RPRML: variants seen among roughly 807,000 people sequenced by gnomAD.
The protein encoded by RPRML is reprimo-like protein.
Under a neutral mutation model 5.2 loss-of-function variants are expected in RPRML, and 4 were observed. That is an observed-to-expected ratio of 0.77 (90% CI 0.38 to 1.76). The LOEUF is 1.76. Among genes scored for constraint, RPRML ranks in the 40% most tolerant of loss-of-function variants. The pLI is 0.04. For missense variants in RPRML, 181 were observed against 177.7 expected, an observed-to-expected ratio of 1.02 and a Z score of -0.11; for synonymous variants, 79 against 89.1, an observed-to-expected ratio of 0.89 and a Z score of 0.64.
rs1345605737 is a variant in RPRML at position 46,978,683 on chromosome 17, A to G, written c.325T>C (p.Ser109Pro). 1 of 1,610,640 alleles carries G rather than the reference A, an allele frequency of 6.2e-7. No individual in the cohort carries two copies. Among genetic ancestry groups the G allele is most frequent in the Admixed American group, 1.7e-5 (1 of 59,774 alleles). ...INFLVQERRP[S>P]KDVGAAILGL... ...AGGATGGCTGCGCCCACGTCCTTGGAGGGCCGGCGCTCCTGCACCAGAAAG... is the reference window on the plus strand; with the variant it reads ...AGGATGGCTGCGCCCACGTCCTTGGGGGGCCGGCGCTCCTGCACCAGAAAG... The change falls in exon 1 of 1, where the codon TCC (serine) becomes CCC (proline). Residue 109 changes from serine to proline, a missense_variant. Physicochemically the swap from Ser to Pro is moderately conservative, Grantham distance 74. Transcript: ENST00000322329.
chr17:46,978,273 G>C lies in RPRML; in HGVS notation c.*372C>G. On this transcript the variant is annotated 3_prime_UTR_variant, in exon 1 of 1. Coordinates refer to ENST00000322329, the MANE Select transcript of RPRML (RefSeq NM_203400.5). ...CTTCACATCTTCACCCACTCGCACC[G>C]TGTTCCGAACCCACCCGCACCAACG... 1 of 274,004 alleles carries C rather than the reference G, an allele frequency of 3.6e-6. No individual in the cohort carries two copies. Among genetic ancestry groups the C allele is most frequent in the South Asian group, 7.4e-5 (1 of 13,510 alleles). The allele number at this position is 274,004 out of a possible 1,614,324, so 17.0% of individuals were successfully genotyped here. A position where few individuals can be genotyped will look rare whatever the true frequency, so the allele number is the denominator to read the frequency against.
rs568365079 is a variant in RPRML at position 46,978,300 on chromosome 17, A to T, written c.*345T>A. On this transcript the variant is annotated 3_prime_UTR_variant, in exon 1 of 1. Coordinates refer to ENST00000322329, the MANE Select transcript of RPRML (RefSeq NM_203400.5). ...GTTCCGAACCCACCCGCACCAACGT[A>T]CACACAAAACTCCCACGCGAGCGAC... The T allele has an allele frequency of 3.0e-6, 1 of 328,812 alleles. No individual in the cohort carries two copies. The highest frequency in any genetic ancestry group is 5.5e-6 in the Non-Finnish European group (1 of 181,440). The allele number at this position is 328,812 out of a possible 1,614,324, so 20.4% of individuals were successfully genotyped here.
Position 46,978,658 on chromosome 17 carries a change from AGGATG to A in RPRML, c.345_349del (p.Ile116GlyfsTer81). 1 of 1,606,734 alleles carries A rather than the reference AGGATG, an allele frequency of 6.2e-7. No individual in the cohort carries two copies. The highest frequency in any genetic ancestry group is 8.5e-7 in the Non-Finnish European group (1 of 1,177,352). On this transcript the variant is annotated frameshift_variant, in exon 1 of 1. Coordinates refer to ENST00000322329, the MANE Select transcript of RPRML (RefSeq NM_203400.5). LOFTEE classifies it high-confidence loss of function. ...CCCAGATGGCGCTCAGTACAGCCCC[AGGATG>A]GCTGCGCCCACGTCCTTGGAGGGCC...
Position 46,978,486 on chromosome 17 carries a change from C to T in RPRML, c.*159G>A, listed in dbSNP as rs1015422426. The T allele has an allele frequency of 1.3e-5, 11 of 816,144 alleles. No homozygotes were observed. Among genetic ancestry groups the T allele is most frequent in the African/African-American group, 1.1e-4 (6 of 54,478 alleles). The allele number at this position is 816,144 out of a possible 1,614,324, so 50.6% of individuals were successfully genotyped here. ...AGAGCCGGGCGTCCAAGTCCCTTCC[C>T]GCGCCCCCGCCGACAGTCTCGCCGC... On this transcript the variant is annotated 3_prime_UTR_variant, in exon 1 of 1. Transcript: ENST00000322329.
At position 46,978,591 on chromosome 17, in the gene RPRML, G is replaced by T; in HGVS notation, c.*54C>A. The T allele has an allele frequency of 6.5e-7, 1 of 1,531,450 alleles. No individual in the cohort carries two copies. The highest frequency in any genetic ancestry group is 8.8e-7 in the Non-Finnish European group (1 of 1,140,556). 94.9% of individuals were successfully genotyped at this position (1,531,450 alleles called of 1,614,324 possible). On this transcript the variant is annotated 3_prime_UTR_variant, in exon 1 of 1. Transcript: ENST00000322329. ...GCGCAGAGAGCGGGGCGAGGGTCCG[G>T]GTCTCCGGGGTCCTTCTTGCAGCAG...
At position 46,978,984 on chromosome 17, in the gene RPRML, G is replaced by A; in HGVS notation, c.24C>T (p.His8=). 2 of 1,444,996 alleles carry A rather than the reference G, an allele frequency of 1.4e-6. No homozygotes were observed. Among genetic ancestry groups the A allele is most frequent in the Non-Finnish European group, 1.8e-6 (2 of 1,109,186 alleles). 89.5% of individuals were successfully genotyped at this position (1,444,996 alleles called of 1,614,324 possible). The change falls in exon 1 of 1, where the codon CAC becomes CAT. Residue 8 remains histidine (H), a synonymous_variant. Coordinates refer to ENST00000322329, the MANE Select transcript of RPRML (RefSeq NM_203400.5). The part of the protein sequence containing the change: MNATFLN[H]SGLEEVDGVG... ...CGCCGTCCACCTCCTCCAAGCCGCT[G>A]TGGTTCAGGAAGGTCGCGTTCATCG...
In RPRML at chr17:46,978,943, C is replaced by A; in HGVS notation, c.65G>T (p.Gly22Val). Residue 22 changes from glycine to valine, a missense_variant, in exon 1 of 1, where the codon GGG becomes GTG. Gly to Val is a moderately radical substitution (Grantham distance 109). Transcript: ENST00000322329. ...EEVDGVGGGAGAALGNRTHGL... is the reference protein window; with the variant it reads ...EEVDGVGGGAVAALGNRTHGL... ...GTGGGTGCGGTTTCCCAGGGCGGCC[C>A]CGGCGCCGCCGCCCACGCCGTCCAC... 3.4e-6 allele frequency: 5 copies of A among 1,455,082 alleles called. No homozygotes were observed. Among genetic ancestry groups the A allele is most frequent in the Non-Finnish European group, 4.5e-6 (5 of 1,112,500 alleles). 90.1% of individuals were successfully genotyped at this position (1,455,082 alleles called of 1,614,324 possible). A position where few individuals can be genotyped will look rare whatever the true frequency, so the allele number is the denominator to read the frequency against.
In RPRML at chr17:46,978,870, G is replaced by C; in HGVS notation, c.138C>G (p.Ala46=). 6.4e-7 allele frequency: 1 copy of C among 1,567,120 alleles called. No individual in the cohort carries two copies. Among genetic ancestry groups the C allele is most frequent in the Non-Finnish European group, 8.6e-7 (1 of 1,159,772 alleles). Residue 46 remains alanine, a synonymous_variant, in exon 1 of 1, where the codon GCC becomes GCG. Transcript: ENST00000322329. ...GCCCCGCGGGGACCCCGTCGCTGGC[G>C]GCCAGCGGTGCGCCCCCTGGACAGC... The part of the protein sequence containing the change: ...LGCCPGGAPL[A]ASDGVPAGLA...
At position 46,979,067 on chromosome 17, in the gene RPRML, G is replaced by C. The variant is rs2091470356; in HGVS notation, c.-60C>G. ...CCGGGTGCACTGGGCTGCTCGCCGG[G>C]GTCCGCGCTCTCAGGGACGCTCCGG... is the stretch of plus-strand genomic sequence containing the variant. On this transcript the variant is annotated 5_prime_UTR_variant, in exon 1 of 1. Coordinates refer to ENST00000322329, the MANE Select transcript of RPRML (RefSeq NM_203400.5). The C allele has an allele frequency of 7.5e-7, 1 of 1,324,554 alleles. No individual in the cohort carries two copies. The highest frequency in any genetic ancestry group is 1.6e-5 in the African/African-American group (1 of 64,510). 82.1% of individuals were successfully genotyped at this position (1,324,554 alleles called of 1,614,324 possible).
chr17:46,979,231 G>A lies in RPRML; in HGVS notation c.-224C>T, dbSNP rs2147359342. On this transcript the variant is annotated 5_prime_UTR_variant, in exon 1 of 1. Transcript: ENST00000322329. ...GGAGCGAGCAACAGGCGGCGCAGGA[G>A]CTGGAGCCGGAGAACCTAGTGTGCT... is the stretch of plus-strand genomic sequence containing the variant. The A allele has an allele frequency of 2.4e-6, 1 of 418,658 alleles. No homozygotes were observed. Among genetic ancestry groups the A allele is most frequent in the South Asian group, 8.0e-5 (1 of 12,500 alleles). The allele number at this position is 418,658 out of a possible 1,614,324, so 25.9% of individuals were successfully genotyped here.
rs150010793 is a variant in RPRML, at chr17:46,978,761, C to G, written c.247G>C (p.Gly83Arg). ...AGGTTGCAGCCCAGGAAGAAGACGC[C>G]GAAGACCACGGTAAGCGACAGCACG... is the stretch of plus-strand genomic sequence containing the variant. ...LCVLSLTVVF[G>R]VFFLGCNLLI... Residue 83 changes from glycine to arginine, a missense_variant, in exon 1 of 1, where the codon GGC becomes CGC. Coordinates refer to ENST00000322329, the MANE Select transcript of RPRML (RefSeq NM_203400.5). The G allele has an allele frequency of 1.9e-6, 3 of 1,612,502 alleles. No homozygotes were observed. The African/African-American group carries it at 4.0e-5, about 22-fold the overall frequency.
At position 46,978,734 on chromosome 17, in the gene RPRML, G is replaced by GAAGAT; in HGVS notation, c.273_274insATCTT (p.Leu92IlefsTer9). ...TTGATCATGCTCTCGGACTTGATGA[G>GAAGAT]CAGGTTGCAGCCCAGGAAGAAGACG... On this transcript the variant is annotated frameshift_variant, in exon 1 of 1. Coordinates refer to ENST00000322329, the MANE Select transcript of RPRML (RefSeq NM_203400.5). LOFTEE classifies it high-confidence loss of function. 1 of 1,612,472 alleles carries GAAGAT rather than the reference G, an allele frequency of 6.2e-7. No homozygotes were observed. The highest frequency in any genetic ancestry group is 1.1e-5 in the South Asian group (1 of 90,936).
rs529126435 is a variant in RPRML, at chr17:46,978,296, A to G, written c.*349T>C. On this transcript the variant is annotated 3_prime_UTR_variant, in exon 1 of 1. Coordinates refer to ENST00000322329, the MANE Select transcript of RPRML (RefSeq NM_203400.5). ...CCGTGTTCCGAACCCACCCGCACCA[A>G]CGTACACACAAAACTCCCACGCGAG... 6.5e-4 allele frequency: 212 copies of G among 325,184 alleles called. No homozygotes were observed. Among genetic ancestry groups the G allele is most frequent in the Middle Eastern group, 1.7e-3 (2 of 1,170 alleles). The allele number at this position is 325,184 out of a possible 1,614,324, so 20.1% of individuals were successfully genotyped here.
At position 46,978,905 on chromosome 17, in the gene RPRML, A is replaced by G; in HGVS notation, c.103T>C (p.Trp35Arg). Residue 35 changes from tryptophan to arginine, a missense_variant, in exon 1 of 1, where the codon TGG becomes CGG. Physicochemically the swap from Trp to Arg is moderately radical, Grantham distance 101. Coordinates refer to ENST00000322329, the MANE Select transcript of RPRML (RefSeq NM_203400.5). ...LGNRTHGLGT[W>R]LGCCPGGAPL... Reference sequence around the variant, plus strand: ...GCGCCCCCTGGACAGCAGCCCAGCCACGTGCCCAGCCCGTGGGTGCGGTTT... The same window carrying G: ...GCGCCCCCTGGACAGCAGCCCAGCCGCGTGCCCAGCCCGTGGGTGCGGTTT... The G allele has an allele frequency of 6.7e-7, 1 of 1,491,178 alleles. No individual in the cohort carries two copies. The highest frequency in any genetic ancestry group is 8.9e-7 in the Non-Finnish European group (1 of 1,128,444). 92.4% of individuals were successfully genotyped at this position (1,491,178 alleles called of 1,614,324 possible).
At position 46,978,926 on chromosome 17, in the gene RPRML, G is replaced by C. The variant is rs745613104; in HGVS notation, c.82C>G (p.Arg28Gly). ...GGGAGAALGN[R>G]THGLGTWLGC... ...AGCCACGTGCCCAGCCCGTGGGTGC[G>C]GTTTCCCAGGGCGGCCCCGGCGCCG... is the stretch of plus-strand genomic sequence containing the variant. The change falls in exon 1 of 1, where the codon CGC (arginine) becomes GGC (glycine). Residue 28 changes from arginine (R) to glycine (G), a missense_variant. Transcript: ENST00000322329. The C allele has an allele frequency of 2.7e-6, 4 of 1,460,816 alleles. No homozygotes were observed. Among genetic ancestry groups the C allele is most frequent in the Non-Finnish European group, 3.6e-6 (4 of 1,115,304 alleles). 90.5% of individuals were successfully genotyped at this position (1,460,816 alleles called of 1,614,324 possible). A position where few individuals can be genotyped will look rare whatever the true frequency, so the allele number is the denominator to read the frequency against.
In RPRML at chr17:46,978,517, C is replaced by A; in HGVS notation, c.*128G>T. On this transcript the variant is annotated 3_prime_UTR_variant, in exon 1 of 1. Coordinates refer to ENST00000322329, the MANE Select transcript of RPRML (RefSeq NM_203400.5). ...CCCGCCGACAGTCTCGCCGCGTCCC[C>A]GCCCGGGCGCCCCAGGCACGTAGCT... 1.7e-6 allele frequency: 2 copies of A among 1,176,310 alleles called. No homozygotes were observed. Among genetic ancestry groups the A allele is most frequent in the South Asian group, 3.2e-5 (2 of 62,854 alleles). The allele number at this position is 1,176,310 out of a possible 1,614,324, so 72.9% of individuals were successfully genotyped here.
In RPRML at chr17:46,978,662, T is replaced by C. The variant is rs1333897647; in HGVS notation, c.346A>G (p.Ile116Val). The C allele has an allele frequency of 5.7e-5, 92 of 1,607,614 alleles. No homozygotes were observed. Among genetic ancestry groups the C allele is most frequent in the Non-Finnish European group, 7.6e-5 (90 of 1,177,770 alleles). The change falls in exon 1 of 1, where the codon ATC becomes GTC. Residue 116 changes from isoleucine (I) to valine (V), a missense_variant. Transcript: ENST00000322329. ...RRPSKDVGAAILGLY is the reference protein window; with the variant it reads ...RRPSKDVGAAVLGLY ...GATGGCGCTCAGTACAGCCCCAGGA[T>C]GGCTGCGCCCACGTCCTTGGAGGGC...
rs2091471844 is a variant in RPRML, at chr17:46,979,234, G to A, written c.-227C>T. 1 of 415,404 alleles carries A rather than the reference G, an allele frequency of 2.4e-6. No individual in the cohort carries two copies. Among genetic ancestry groups the A allele is most frequent in the Non-Finnish European group, 4.3e-6 (1 of 232,060 alleles). 25.7% of individuals were successfully genotyped at this position (415,404 alleles called of 1,614,324 possible). On this transcript the variant is annotated 5_prime_UTR_variant, in exon 1 of 1. Transcript: ENST00000322329. ...GCGAGCAACAGGCGGCGCAGGAGCTGGAGCCGGAGAACCTAGTGTGCTTAG... is the reference window on the plus strand; with the variant it reads ...GCGAGCAACAGGCGGCGCAGGAGCTAGAGCCGGAGAACCTAGTGTGCTTAG...
chr17:46,979,133 G>T lies in RPRML; in HGVS notation c.-126C>A. On this transcript the variant is annotated 5_prime_UTR_variant, in exon 1 of 1. Coordinates refer to ENST00000322329, the MANE Select transcript of RPRML (RefSeq NM_203400.5). ...TCCTGCGGTACGGGGAGGGGACGAA[G>T]GCGGGAGGCTGGCTGCCTGCGCGCT... 9.5e-7 allele frequency: 1 copy of T among 1,056,920 alleles called. No homozygotes were observed. Among genetic ancestry groups the T allele is most frequent in the Non-Finnish European group, 1.2e-6 (1 of 808,810 alleles). 65.5% of individuals were successfully genotyped at this position (1,056,920 alleles called of 1,614,324 possible).
Sources: gnomAD v4.1 joint callset for allele counts on GRCh38, gnomAD v4.1.1 for gene constraint, MANE v1.5 for transcripts, NCBI Gene and HGNC (gene_info 2026-07-23, HGNC 2026-07-21) for gene names.